KLHL42: variants seen among roughly 807,000 people sequenced by gnomAD.
KLHL42 encodes the protein kelch-like protein 42.
A neutral mutation model predicts 32.7 loss-of-function variants in KLHL42; 27 were observed. That is an observed-to-expected ratio of 0.83 (90% confidence interval 0.61 to 1.14). The LOEUF is 1.14. KLHL42 is among the 50% of genes most tolerant of loss of function. The pLI is 0.00. For missense variants in KLHL42, 491 were observed against 560.8 expected (o/e 0.88, Z 1.26); for synonymous variants, 267 against 248.2 (o/e 1.08, Z -0.71).
At chr12:27,791,533 C>T (rs1229513169) in intron 1 of KLHL42, among the ~76,000 whole-genome samples, 175 bp from the exon 2 acceptor site, 1 of 152,182 alleles carries the variant, frequency 6.6e-6, no homozygotes, top group Non-Finnish European at 1.5e-5. Context: ...ATCTTGGGGA[C>T]AGGAGTGAGA....
intron 2 of KLHL42, among the ~76,000 whole-genome samples, chr12:27,794,643 A>G (rs1489315146): frequency 6.6e-6 from 1 of 152,108 alleles, no homozygotes; most frequent in Non-Finnish European, 1.5e-5. Flanking sequence ...GGCATGAGCC[A>G]CTGTGCCTGG....
At chr12:27,782,777 A>T (rs2062154533) in intron 1 of KLHL42, among the ~76,000 whole-genome samples, 1 of 152,122 alleles carries the variant, frequency 6.6e-6, no homozygotes. Context: ...AAAAAAAAAA[A>T]AGCATTCAAG....
At chr12:27,793,588 T>C (rs192841374) in intron 2 of KLHL42, among the ~76,000 whole-genome samples, 141 of 151,506 alleles carry the variant, frequency 9.3e-4, no homozygotes, top group Middle Eastern at 6.8e-3. Flanking sequence ...ACTGTGGTTG[T>C]GGGAAGACAG....
Position 27,799,922 on chromosome 12 carries a change from A to C in KLHL42, c.*1756A>C. On this transcript the variant is annotated 3_prime_UTR_variant, in exon 3 of 3. Transcript: ENST00000381271. ...TATTCCCAAATATTAAGCCCTTAAA[A>C]AAATAAAACCTCTGAACCAAAATCT... 1 of 864,114 alleles carries C rather than the reference A, an allele frequency of 1.2e-6. No homozygotes were observed. The highest frequency in any genetic ancestry group is 5.4e-5 in the South Asian group (1 of 18,676). The allele number at this position is 864,114 out of a possible 1,614,324, so 53.5% of individuals were successfully genotyped here.
Position 27,798,125 on chromosome 12 carries a change from C to T in KLHL42, c.1477C>T (p.Leu493=). Residue 493 remains leucine (L), a synonymous_variant, in exon 3 of 3, where the codon CTG becomes TTG. Coordinates refer to ENST00000381271, the MANE Select transcript of KLHL42 (RefSeq NM_020782.2). ...RRFPAFGHNL[L]VSSLYLPNKA... ...TTTTCCAGCTTTTGGACATAACTTG[C>T]TGGTTTCTTCTCTTTATCTGCCCAA... 1 of 780,652 alleles carries T rather than the reference C, an allele frequency of 1.3e-6. No individual in the cohort carries two copies. Among genetic ancestry groups the T allele is most frequent in the South Asian group, 1.3e-5 (1 of 74,614 alleles). 48.4% of individuals were successfully genotyped at this position (780,652 alleles called of 1,614,324 possible).
chr12:27,786,826 T>G (rs1273493994), intron 1 of KLHL42, among the ~76,000 whole-genome samples: 1 of 147,066 alleles, frequency 6.8e-6, no homozygotes, highest in African/African-American at 2.5e-5. Context: ...GTGTTAACGC[T>G]ATTCTCCTGC....
chr12:27,791,406 T>C (rs912953005), intron 1 of KLHL42, among the ~76,000 whole-genome samples: 6 of 152,226 alleles, frequency 3.9e-5, no homozygotes, highest in African/African-American at 1.4e-4. Flanking sequence ...GTGTGGAGTT[T>C]AGTGTATACA....
intron 1 of KLHL42, among the ~76,000 whole-genome samples, chr12:27,785,607 T>C (rs1293010547): frequency 6.6e-6 from 1 of 152,142 alleles, no homozygotes; most frequent in African/African-American, 2.4e-5. Context: ...TAGGAGTTCC[T>C]TCCCGAACTC....
chr12:27,797,143 AACTGG>A, intron 2 of KLHL42: 3 of 414,686 alleles, frequency 7.2e-6, no homozygotes, highest in Non-Finnish European at 1.4e-5. Flanking sequence ...ACAAAAAAAA[AACTGG>A]AAACTGAATT....
rs145908611 is a variant in KLHL42 at position 27,797,836 on chromosome 12, G to A, written c.1188G>A (p.Val396=). The A allele has an allele frequency of 7.7e-6, 6 of 777,874 alleles. No homozygotes were observed. Among genetic ancestry groups the A allele is most frequent in the Non-Finnish European group, 1.4e-5 (6 of 416,042 alleles). The allele number at this position is 777,874 out of a possible 1,614,324, so 48.2% of individuals were successfully genotyped here. A position where few individuals can be genotyped will look rare whatever the true frequency, so the allele number is the denominator to read the frequency against. Reference sequence around the variant, plus strand: ...CTGTGGAAGAGACCATCTACATCGTGGGGGGGTGTCTCCACGAGCTGGGGC... The same window carrying A: ...CTGTGGAAGAGACCATCTACATCGTAGGGGGGTGTCTCCACGAGCTGGGGC... ...MVSVEETIYI[V]GGCLHELGPN... is the part of the protein sequence containing the mutation. The change falls in exon 3 of 3, where the codon GTG becomes GTA. Residue 396 remains valine, a synonymous_variant. Coordinates refer to ENST00000381271, the MANE Select transcript of KLHL42 (RefSeq NM_020782.2).
Position 27,800,708 on chromosome 12 carries a change from C to CA in KLHL42, c.*2555dup, listed in dbSNP as rs771905232. On this transcript the variant is annotated 3_prime_UTR_variant, in exon 3 of 3. Transcript: ENST00000381271. ...GGGCGACAGTGCAAGACTCTGTCTCCAAAAAAAAAAAAAGAAAAAAGAAAA... is the reference window on the plus strand; with the variant it reads ...GGGCGACAGTGCAAGACTCTGTCTCCAAAAAAAAAAAAAAGAAAAAAGAAAA... The CA allele has an allele frequency of 0.14, 19,505 of 136,830 alleles. 1,502 individuals carry two copies. The highest frequency in any genetic ancestry group is 0.23 in the African/African-American group (8,649 of 37,376). The allele number at this position is 136,830 out of a possible 1,614,324, so 8.5% of individuals were successfully genotyped here.
chr12:27,789,396 G>A (rs1380701543), intron 1 of KLHL42, among the ~76,000 whole-genome samples: 3 of 152,110 alleles, frequency 2.0e-5, no homozygotes, highest in Non-Finnish European at 2.9e-5. Context: ...TCTGTTTTTA[G>A]GTGGCAATTT....
intron 1 of KLHL42, among the ~76,000 whole-genome samples, chr12:27,786,209 T>G (rs1405337344): frequency 6.6e-6 from 1 of 152,228 alleles, no homozygotes; most frequent in Admixed American, 6.5e-5. Flanking sequence ...GGGACCATCT[T>G]CATGCACATT....
At chr12:27,784,331 A>G (rs1343561769) in intron 1 of KLHL42, among the ~76,000 whole-genome samples, 1 of 149,800 alleles carries the variant, frequency 6.7e-6, no homozygotes, top group African/African-American at 2.5e-5. Flanking sequence ...TTAGTAGAGA[A>G]GGGGTTTCAC....
chr12:27,793,725 C>T (rs910559553), intron 2 of KLHL42, among the ~76,000 whole-genome samples: 2 of 152,090 alleles, frequency 1.3e-5, no homozygotes, highest in African/African-American at 4.8e-5. Flanking sequence ...TCTATGGAGC[C>T]CAGGACTTAC....
At chr12:27,797,491 A>T in intron 2 of KLHL42, 1 of 589,590 alleles carries the variant, frequency 1.7e-6, no homozygotes, top group Non-Finnish European at 3.1e-6. Context: ...ATCCAGTCTG[A>T]GTCTCCCACG....
At chr12:27,785,197 C>G (rs2062166899) in intron 1 of KLHL42, among the ~76,000 whole-genome samples, 1 of 151,976 alleles carries the variant, frequency 6.6e-6, no homozygotes, top group Non-Finnish European at 1.5e-5. Context: ...CCAAATATCC[C>G]TTTATTTTTT....
intron 1 of KLHL42, among the ~76,000 whole-genome samples, chr12:27,783,545 T>C (rs533981785): frequency 6.6e-6 from 1 of 152,360 alleles, no homozygotes; most frequent in South Asian, 2.1e-4. Flanking sequence ...GAGTTTTTTT[T>C]CTGTGTCAAC....
At chr12:27,790,986 A>G (rs542865367) in intron 1 of KLHL42, among the ~76,000 whole-genome samples, 12 of 152,356 alleles carry the variant, frequency 7.9e-5, no homozygotes, top group Admixed American at 7.2e-4. Context: ...TCTTGAGCCC[A>G]GGAGTTCAAG....
Sources: allele counts gnomAD v4.1 joint callset (sites outside exome capture counted in the v4.1 genomes callset), GRCh38; gene constraint gnomAD v4.1.1; transcripts MANE v1.5; gene names NCBI Gene and HGNC (gene_info 2026-07-23, HGNC 2026-07-21).